Variants in YWHAB observed in about 807,000 individuals in gnomAD.
YWHAB encodes 14-3-3 protein beta/alpha.
A neutral mutation model predicts 28.5 loss-of-function variants in YWHAB; 2 were observed. That is an observed-to-expected ratio of 0.07 (90% CI 0.03 to 0.22). The LOEUF (loss-of-function observed/expected upper bound fraction) is 0.22. Ranked by LOEUF, YWHAB falls within the 10% of genes least tolerant of loss-of-function variation. YWHAB has a pLI of 1.00. For synonymous variants in YWHAB, 103 were observed against 104.7 expected, an observed-to-expected ratio of 0.98 and a Z score of 0.10; for missense variants, 148 against 297.1, an observed-to-expected ratio of 0.50 and a Z score of 3.69.
At chr20:44,900,571 A>G (rs1395735705) in intron 1 of YWHAB, among the ~76,000 whole-genome samples, 6 of 152,196 alleles carry the variant, frequency 3.9e-5, no homozygotes, top group Non-Finnish European at 1.5e-5. Flanking sequence ...GATCATTTAA[A>G]ATCATATCTT....
At position 44,901,657 on chromosome 20, in the gene YWHAB, G is replaced by C; in HGVS notation, c.124G>C (p.Glu42Gln). 6.2e-7 allele frequency: 1 copy of C among 1,614,132 alleles called. No individual in the cohort carries two copies. The highest frequency in any genetic ancestry group is 8.5e-7 in the Non-Finnish European group (1 of 1,180,020). The change falls in exon 2 of 6, where the codon GAG (glutamate) becomes CAG (glutamine). Residue 42 changes from glutamate (E) to glutamine (Q), a missense_variant. Glu to Gln is a conservative substitution (Grantham distance 29). This residue lies in a region of YWHAB where 110 missense variants were observed against 177.9 expected (regional missense o/e 0.62). Transcript: ENST00000353703. ...TEQGHELSNEERNLLSVAYKN... is the reference protein window; with the variant it reads ...TEQGHELSNEQRNLLSVAYKN... The stretch of plus-strand genomic sequence containing the variant: ...ACAGGGGCATGAACTCTCCAACGAA[G>C]AGAGAAATCTGCTCTCTGTTGCCTA...
chr20:44,892,089 C>T (rs2066566015), intron 1 of YWHAB, among the ~76,000 whole-genome samples: 1 of 152,196 alleles, frequency 6.6e-6, no homozygotes, highest in African/African-American at 2.4e-5. Flanking sequence ...AGCAGAGAGA[C>T]TCCAGAACTA....
chr20:44,890,464 A>G (rs1377089662), intron 1 of YWHAB, among the ~76,000 whole-genome samples: 1 of 149,782 alleles, frequency 6.7e-6, no homozygotes, highest in Non-Finnish European at 1.5e-5. Context: ...CTTGTACTCC[A>G]CATTGGGTGT....
chr20:44,891,207 C>T (rs2066559740), intron 1 of YWHAB, among the ~76,000 whole-genome samples: 1 of 151,732 alleles, frequency 6.6e-6, no homozygotes, highest in African/African-American at 2.4e-5. Flanking sequence ...CAGCCTCTGC[C>T]TTCAGGCTGC....
intron 1 of YWHAB, among the ~76,000 whole-genome samples, chr20:44,895,582 T>C (rs139877338): frequency 1.2e-3 from 182 of 152,264 alleles, no homozygotes; most frequent in Non-Finnish European, 2.3e-3. Context: ...GATTCTCCCA[T>C]CTCAGCCTCC....
At chr20:44,898,137 A>G (rs2066606382) in intron 1 of YWHAB, among the ~76,000 whole-genome samples, 1 of 152,238 alleles carries the variant, frequency 6.6e-6, no homozygotes, top group Admixed American at 6.5e-5. Context: ...TCTGGGAAAT[A>G]GAAGGGAACA....
rs531108222 is a variant in YWHAB, at chr20:44,906,155, A to G, written c.684+59A>G. Reference sequence around the variant, plus strand: ...TTCCTATTCACCTACTTAATAATTCACTGTTATCTTCAAGAGGGGATTTGT... The same window carrying G: ...TTCCTATTCACCTACTTAATAATTCGCTGTTATCTTCAAGAGGGGATTTGT... On this transcript the variant is annotated intron_variant, in intron 5 of 5. Transcript: ENST00000353703. 8 of 1,378,894 alleles carry G rather than the reference A, an allele frequency of 5.8e-6. No homozygotes were observed. The East Asian group carries it at 1.8e-4, about 32-fold the overall frequency. 85.4% of individuals were successfully genotyped at this position (1,378,894 alleles called of 1,614,324 possible).
chr20:44,901,038 T>C (rs6031859), intron 1 of YWHAB, among the ~76,000 whole-genome samples: 50,193 of 151,998 alleles, frequency 0.33, 9,268 homozygotes, highest in African/African-American at 0.49. Context: ...CCTCCCAGAG[T>C]GCTGGGATTA....
Position 44,904,949 on chromosome 20 carries a change from T to A in YWHAB, c.425-19T>A, listed in dbSNP as rs765917749. Reference sequence around the variant, plus strand: ...TATGAAAGAACCGAGCCTTTAATATTTTCATCTTTATGTTACAGCCACTGT... The same window carrying A: ...TATGAAAGAACCGAGCCTTTAATATATTCATCTTTATGTTACAGCCACTGT... On this transcript the variant is annotated intron_variant, in intron 3 of 5. Transcript: ENST00000353703. 3 of 1,568,806 alleles carry A rather than the reference T, an allele frequency of 1.9e-6. No individual in the cohort carries two copies. The South Asian group carries it at 3.5e-5, about 18-fold the overall frequency.
chr20:44,891,512 G>A (rs949228249), intron 1 of YWHAB, among the ~76,000 whole-genome samples: 1 of 152,226 alleles, frequency 6.6e-6, no homozygotes, highest in Non-Finnish European at 1.5e-5. Context: ...CATTATGTCA[G>A]TGGGCCCCAA....
chr20:44,906,559 A>G lies in YWHAB; in HGVS notation c.*121A>G. On this transcript the variant is annotated 3_prime_UTR_variant, in exon 6 of 6. Coordinates refer to ENST00000353703, the MANE Select transcript of YWHAB (RefSeq NM_139323.4). Reference sequence around the variant, plus strand: ...CGTACGTCGACTTTCGATTTTTCACAGCCTCAGCCTAGGAAAAATGGTTCA... The same window carrying G: ...CGTACGTCGACTTTCGATTTTTCACGGCCTCAGCCTAGGAAAAATGGTTCA... 1 of 857,412 alleles carries G rather than the reference A, an allele frequency of 1.2e-6. No individual in the cohort carries two copies. Among genetic ancestry groups the G allele is most frequent in the Non-Finnish European group, 1.7e-6 (1 of 590,832 alleles). The allele number at this position is 857,412 out of a possible 1,614,324, so 53.1% of individuals were successfully genotyped here. A position where few individuals can be genotyped will look rare whatever the true frequency, so the allele number is the denominator to read the frequency against.
rs1466705402 is a variant in YWHAB, at chr20:44,907,672, T to C, written c.*1234T>C. 6.6e-6 allele frequency: 1 copy of C among 152,178 alleles called. No individual in the cohort carries two copies. The highest frequency in any genetic ancestry group is 1.5e-5 in the Non-Finnish European group (1 of 68,048). 9.4% of individuals were successfully genotyped at this position (152,178 alleles called of 1,614,324 possible). A position where few individuals can be genotyped will look rare whatever the true frequency, so the allele number is the denominator to read the frequency against. The stretch of plus-strand genomic sequence containing the variant: ...TTTTTTCCTTTTTGAATTCTATCTT[T>C]ATCTGTCTTTTGTTCACTTTTTAAT... On this transcript the variant is annotated 3_prime_UTR_variant, in exon 6 of 6. Transcript: ENST00000353703.
chr20:44,901,896 A>C, intron 2 of YWHAB, 63 bp downstream of exon 2: 1 of 1,495,076 alleles, frequency 6.7e-7, no homozygotes, highest in Middle Eastern at 2.5e-4. Flanking sequence ...TAATGTATAA[A>C]TGCAGACTCT....
At chr20:44,896,261 A>G (rs933859471) in intron 1 of YWHAB, among the ~76,000 whole-genome samples, 2 of 152,222 alleles carry the variant, frequency 1.3e-5, no homozygotes, top group South Asian at 2.1e-4. Context: ...TATGATTTCA[A>G]TATGTGGCAC....
intron 1 of YWHAB, among the ~76,000 whole-genome samples, chr20:44,890,800 C>T (rs1052812705): frequency 2.7e-4 from 41 of 151,748 alleles, no homozygotes; most frequent in Admixed American, 2.3e-3. Context: ...TGAGCCACCA[C>T]GCCTGGCTGG....
chr20:44,898,377 G>A (rs994469791), intron 1 of YWHAB, among the ~76,000 whole-genome samples: 1 of 152,124 alleles, frequency 6.6e-6, no homozygotes, highest in Admixed American at 6.5e-5. Flanking sequence ...TAGATTTTGA[G>A]TGTATCTTAT....
intron 1 of YWHAB, among the ~76,000 whole-genome samples, chr20:44,891,744 AAG>A (rs2066563375): frequency 6.6e-6 from 1 of 152,204 alleles, no homozygotes; most frequent in Non-Finnish European, 1.5e-5. Flanking sequence ...GCTGATGTGA[AAG>A]AGGGAAGGGA....
At chr20:44,899,291 CA>C (rs1418184336) in intron 1 of YWHAB, among the ~76,000 whole-genome samples, 2 of 152,102 alleles carry the variant, frequency 1.3e-5, no homozygotes, top group Non-Finnish European at 2.9e-5. Context: ...CCAGCCTGGC[CA>C]AAAATGGCAA....
At chr20:44,905,748 G>A (rs2066652234) in intron 4 of YWHAB, 1 of 360,768 alleles carries the variant, frequency 2.8e-6, no homozygotes. Context: ...CTGTGCTAGG[G>A]TTAGCAGTAA....
Sources: allele counts gnomAD v4.1 joint callset (sites outside exome capture counted in the v4.1 genomes callset), GRCh38; gene constraint gnomAD v4.1.1; regional missense constraint gnomAD v4.1.1; transcripts MANE v1.5; gene names NCBI Gene and HGNC (gene_info 2026-07-23, HGNC 2026-07-21).